Variants in MLLT3 observed in about 807,000 individuals in gnomAD.
MLLT3 encodes the protein MLLT3 super elongation complex subunit.
MLLT3 carries 4 observed loss-of-function variants against 53.2 expected under a neutral mutation model. The ratio of observed to expected loss-of-function variants is 0.08; its 90% confidence interval spans 0.04 to 0.17. MLLT3 has a LOEUF of 0.17. Ranked by LOEUF, MLLT3 falls within the 10% of genes least tolerant of loss-of-function variation. The probability of loss-of-function intolerance (pLI) is 1.00; values close to 1 mark genes in which losing one functional copy is unlikely to be tolerated. For synonymous variants in MLLT3, 283 were observed against 230.6 expected, an observed-to-expected ratio of 1.23 and a Z score of -2.06; for missense variants, 569 against 684.0, an observed-to-expected ratio of 0.83 and a Z score of 1.87.
chr9:20,439,806 C>G (rs1161867391), intron 4 of MLLT3, among the ~76,000 whole-genome samples: 1 of 152,080 alleles, frequency 6.6e-6, no homozygotes, highest in Non-Finnish European at 1.5e-5. Flanking sequence ...GAAATACTGA[C>G]AGAGGTTATA....
chr9:20,622,021 G>A (rs1337100886), intron 1 of MLLT3: 67 of 1,343,462 alleles, frequency 5.0e-5, no homozygotes, highest in Non-Finnish European at 6.4e-5. Context: ...GGGCGAGTGT[G>A]AGCGTGTGTG....
intron 5 of MLLT3, among the ~76,000 whole-genome samples, chr9:20,366,507 G>A (rs1050308430): frequency 8.5e-5 from 13 of 152,266 alleles, no homozygotes; most frequent in African/African-American, 2.4e-4. Flanking sequence ...ATAAACATAC[G>A]TGTGCATGTG....
At chr9:20,518,307 T>C (rs548181483) in intron 2 of MLLT3, among the ~76,000 whole-genome samples, 93 of 152,116 alleles carry the variant, frequency 6.1e-4, no homozygotes, top group African/African-American at 2.1e-3. Context: ...GATCGCGCCA[T>C]TGCACTCCAA....
chr9:20,499,041 G>C (rs535047056), intron 2 of MLLT3, among the ~76,000 whole-genome samples: 1 of 152,240 alleles, frequency 6.6e-6, no homozygotes, highest in African/African-American at 2.4e-5. Flanking sequence ...ATCCTTCCTT[G>C]ACTCTCCTAG....
chr9:20,366,390 C>A (rs1321750968), intron 5 of MLLT3, among the ~76,000 whole-genome samples: 1 of 152,174 alleles, frequency 6.6e-6, no homozygotes, highest in Non-Finnish European at 1.5e-5. Flanking sequence ...CTTTTTATGG[C>A]TGCATAGTAT....
At chr9:20,599,270 C>G (rs1340784195) in intron 2 of MLLT3, among the ~76,000 whole-genome samples, 1 of 147,266 alleles carries the variant, frequency 6.8e-6, no homozygotes, top group Non-Finnish European at 1.5e-5. Flanking sequence ...TGCCACTGCA[C>G]GTCAGCCTGG....
At chr9:20,372,138 T>A (rs137875459) in intron 5 of MLLT3, among the ~76,000 whole-genome samples, 1 of 152,186 alleles carries the variant, frequency 6.6e-6, no homozygotes, top group East Asian at 1.9e-4. Flanking sequence ...GGATGAGGAG[T>A]TGCTGCTTAT....
Position 20,343,390 on chromosome 9 carries a change from C to CT in MLLT3, c.*3052dup, listed in dbSNP as rs1419535398. 6 of 212,826 alleles carry CT rather than the reference C, an allele frequency of 2.8e-5. No individual in the cohort carries two copies. Among genetic ancestry groups the CT allele is most frequent in the Non-Finnish European group, 4.7e-5 (5 of 105,472 alleles). 13.2% of individuals were successfully genotyped at this position (212,826 alleles called of 1,614,324 possible). A position where few individuals can be genotyped will look rare whatever the true frequency, so the allele number is the denominator to read the frequency against. Reference sequence around the variant, plus strand: ...TTTTATAGTCTTCCCTACCTTGACACTATATGAACGCATTTATAGACATAC... The same window carrying CT: ...TTTTATAGTCTTCCCTACCTTGACACTTATATGAACGCATTTATAGACATAC... On this transcript the variant is annotated 3_prime_UTR_variant, in exon 11 of 11. Coordinates refer to ENST00000380338, the MANE Select transcript of MLLT3 (RefSeq NM_004529.4).
chr9:20,606,224 C>A (rs1820562975), intron 2 of MLLT3, among the ~76,000 whole-genome samples: 1 of 151,460 alleles, frequency 6.6e-6, no homozygotes, highest in Non-Finnish European at 1.5e-5. Flanking sequence ...CAAGACCACC[C>A]ATTGAAAATA....
At chr9:20,398,814 T>C (rs1350916113) in intron 5 of MLLT3, among the ~76,000 whole-genome samples, 1 of 152,160 alleles carries the variant, frequency 6.6e-6, no homozygotes, top group Non-Finnish European at 1.5e-5. Context: ...ATCCCTCTGC[T>C]GTCTCAATAA....
chr9:20,533,936 A>G (rs948829273), intron 2 of MLLT3, among the ~76,000 whole-genome samples: 1 of 152,220 alleles, frequency 6.6e-6, no homozygotes, highest in African/African-American at 2.4e-5. Flanking sequence ...AGTTTCAGTT[A>G]AAATCTAACT....
chr9:20,609,056 C>T (rs1477141346), intron 2 of MLLT3, among the ~76,000 whole-genome samples: 1 of 151,944 alleles, frequency 6.6e-6, no homozygotes, highest in Non-Finnish European at 1.5e-5. Context: ...TGTCAAGAAG[C>T]ATTAACTATA....
At chr9:20,437,901 T>C (rs1162521398) in intron 4 of MLLT3, among the ~76,000 whole-genome samples, 1 of 152,228 alleles carries the variant, frequency 6.6e-6, no homozygotes, top group Non-Finnish European at 1.5e-5. Flanking sequence ...ATTCAGCTGG[T>C]CCTCTAGTTT....
intron 2 of MLLT3, among the ~76,000 whole-genome samples, chr9:20,507,721 A>G: frequency 6.9e-6 from 1 of 145,364 alleles, no homozygotes; most frequent in East Asian, 2.1e-4. Flanking sequence ...ACAAAATGTC[A>G]TGTAGTCTAT....
intron 2 of MLLT3, among the ~76,000 whole-genome samples, chr9:20,545,586 A>G (rs1307132341): frequency 5.9e-5 from 9 of 152,192 alleles, no homozygotes; most frequent in African/African-American, 2.2e-4. Context: ...TGCCACAATA[A>G]AAACAATTAG....
At chr9:20,482,469 C>A (rs1163140443) in intron 2 of MLLT3, among the ~76,000 whole-genome samples, 2 of 152,208 alleles carry the variant, frequency 1.3e-5, no homozygotes, top group Admixed American at 6.5e-5. Context: ...TTGGAACACT[C>A]ATTCTACCTT....
chr9:20,496,660 T>G (rs1825086720), intron 2 of MLLT3, among the ~76,000 whole-genome samples: 1 of 152,172 alleles, frequency 6.6e-6, no homozygotes, highest in Non-Finnish European at 1.5e-5. Context: ...TTTCCTAGGA[T>G]CTTCCAGTAT....
intron 8 of MLLT3, among the ~76,000 whole-genome samples, chr9:20,359,074 G>A (rs1366100147): frequency 6.7e-6 from 1 of 149,842 alleles, no homozygotes; most frequent in Non-Finnish European, 1.5e-5. Flanking sequence ...GAACCCAGGA[G>A]GCGGAGGTTG....
At chr9:20,530,350 G>C (rs1010560638) in intron 2 of MLLT3, among the ~76,000 whole-genome samples, 2 of 152,102 alleles carry the variant, frequency 1.3e-5, no homozygotes, top group Admixed American at 6.5e-5. Flanking sequence ...TTAAGTAAGA[G>C]TTACTAAATC....
Sources: allele counts gnomAD v4.1 joint callset (sites outside exome capture counted in the v4.1 genomes callset), GRCh38; gene constraint gnomAD v4.1.1; transcripts MANE v1.5; gene names NCBI Gene and HGNC (gene_info 2026-07-23, HGNC 2026-07-21).